Variants in FBXL13 observed in about 807,000 individuals in gnomAD.
FBXL13 encodes F-box and leucine rich repeat protein 13.
In FBXL13, 67 loss-of-function variants were observed where a neutral mutation model predicts 83.6. That is an observed-to-expected ratio of 0.80 (90% confidence interval 0.66 to 0.98). The LOEUF is 0.98. Among genes scored for constraint, FBXL13 ranks in the 50% least tolerant of loss-of-function variants. The probability of loss-of-function intolerance (pLI) is 0.00; values close to 1 mark genes in which losing one functional copy is unlikely to be tolerated. For synonymous variants in FBXL13, 272 were observed against 299.5 expected, an observed-to-expected ratio of 0.91 and a Z score of 0.95; for missense variants, 822 against 866.5, an observed-to-expected ratio of 0.95 and a Z score of 0.64.
chr7:102,885,052 T>C (rs559861743), intron 11 of FBXL13, among the ~76,000 whole-genome samples: 2 of 152,248 alleles, frequency 1.3e-5, no homozygotes, highest in Non-Finnish European at 2.9e-5. Context: ...TTAATGGGTA[T>C]GTGGATTGTT....
chr7:102,986,556 C>T (rs906531175), intron 6 of FBXL13, among the ~76,000 whole-genome samples: 4 of 152,086 alleles, frequency 2.6e-5, no homozygotes, highest in African/African-American at 7.2e-5. Context: ...CACAGCCGCC[C>T]GTGTGGATGT....
intron 6 of FBXL13, among the ~76,000 whole-genome samples, chr7:102,989,683 G>T (rs1829360942): frequency 1.3e-5 from 2 of 152,230 alleles, no homozygotes; most frequent in Non-Finnish European, 2.9e-5. Flanking sequence ...ATGAAAGAAT[G>T]AAGTAGTATC....
chr7:102,960,696 A>C lies in FBXL13; in HGVS notation c.724+2837T>G, dbSNP rs552201878. 3.7e-3 allele frequency among the ~76,000 whole-genome samples: 564 copies of C among 152,136 alleles called. 4 individuals are homozygous for C. The highest frequency in any genetic ancestry group is 0.013 in the African/African-American group (557 of 41,536). Reference sequence around the variant, plus strand: ...TGGTTCAATATATGCAAATCAATAAATGTAATCCAGCATATAAACAGAGCC... The same window carrying C: ...TGGTTCAATATATGCAAATCAATAACTGTAATCCAGCATATAAACAGAGCC... On this transcript the variant is annotated intron_variant, in intron 8 of 19. Coordinates refer to ENST00000313221, the Ensembl canonical transcript of FBXL13.
intron 18 of FBXL13, 28 bp downstream of exon 19, chr7:102,832,812 G>T: frequency 4.3e-6 from 7 of 1,613,096 alleles, no homozygotes; most frequent in Non-Finnish European, 5.9e-6. Flanking sequence ...TAAATTGGAT[G>T]TGTTTGAGCC....
At chr7:102,890,016 G>C (rs1012064590) in intron 11 of FBXL13, among the ~76,000 whole-genome samples, 1 of 151,820 alleles carries the variant, frequency 6.6e-6, no homozygotes, top group Non-Finnish European at 1.5e-5. Flanking sequence ...GTGGGGGGTA[G>C]GGCTCTGAGA....
chr7:103,068,196 T>G (rs1293715503), intron 1 of FBXL13, among the ~76,000 whole-genome samples: 1 of 150,716 alleles, frequency 6.6e-6, no homozygotes, highest in Non-Finnish European at 1.5e-5. Context: ...ATGACAGGAG[T>G]AGAGAAAAAG....
At chr7:102,843,556 C>T (rs1292445119) in intron 17 of FBXL13, among the ~76,000 whole-genome samples, 1 of 148,584 alleles carries the variant, frequency 6.7e-6, no homozygotes, top group Non-Finnish European at 1.5e-5. Context: ...GAGTGGATCA[C>T]TTGAGGTCAG....
chr7:102,972,959 A>G (rs1488887807), intron 6 of FBXL13, among the ~76,000 whole-genome samples: 1 of 152,160 alleles, frequency 6.6e-6, no homozygotes, highest in Admixed American at 6.5e-5. Flanking sequence ...ATTTATGGTT[A>G]AAATGTGATG....
At chr7:102,951,805 CAAAAA>C (rs5886239) in intron 8 of FBXL13, among the ~76,000 whole-genome samples, 2 of 88,096 alleles carry the variant, frequency 2.3e-5, no homozygotes, top group Admixed American at 2.6e-4. Flanking sequence ...ACTCTCTCTC[CAAAAA>C]AAAAAAAAAA....
At chr7:103,015,538 C>T (rs575052695) in intron 6 of FBXL13, among the ~76,000 whole-genome samples, 5 of 152,216 alleles carry the variant, frequency 3.3e-5, no homozygotes, top group South Asian at 2.1e-4. Flanking sequence ...TGGCTCATGG[C>T]GGTAATCCCA....
chr7:102,945,741 T>C (rs1195676402), intron 8 of FBXL13, among the ~76,000 whole-genome samples: 1 of 152,256 alleles, frequency 6.6e-6, no homozygotes, highest in Non-Finnish European at 1.5e-5. Context: ...CCTTTTAATA[T>C]ACATTTTCCT....
chr7:102,877,504 A>C lies in FBXL13; in HGVS notation c.1598T>G (p.Val533Gly), dbSNP rs1809427021. 2 of 1,610,808 alleles carry C rather than the reference A, an allele frequency of 1.2e-6. No homozygotes were observed. The highest frequency in any genetic ancestry group is 2.7e-5 in the African/African-American group (2 of 74,830). Reference sequence around the variant, plus strand: ...GTCTGTTCCAGAGAGATCTATTGATACCAAGGAAAAGATGTTTACAATATA... The same window carrying C: ...GTCTGTTCCAGAGAGATCTATTGATCCCAAGGAAAAGATGTTTACAATATA... The change falls in exon 16 of 20, where the codon GTA (valine) becomes GGA (glycine). Residue 533 changes from valine (V) to glycine (G), a missense_variant. Val to Gly is a moderately radical substitution (Grantham distance 109). Coordinates refer to ENST00000313221, the Ensembl canonical transcript of FBXL13.
chr7:102,851,899 G>C lies in FBXL13; in HGVS notation c.1719+2878C>G, dbSNP rs1236446411. On this transcript the variant is annotated intron_variant, in intron 17 of 19. Coordinates refer to ENST00000313221, the Ensembl canonical transcript of FBXL13. ...CTCACACGCTCTTGAAGAATCAATT[G>C]AGCACGTAATCATTTATCCTAGCCA... 3.3e-5 allele frequency among the ~76,000 whole-genome samples: 5 copies of C among 152,012 alleles called. No homozygotes were observed. In the East Asian group the frequency reaches 9.6e-4, roughly 29 times the overall value.
intron 17 of FBXL13, among the ~76,000 whole-genome samples, chr7:102,849,990 C>G (rs530213096): frequency 6.6e-6 from 1 of 151,398 alleles, no homozygotes; most frequent in East Asian, 1.9e-4. Flanking sequence ...GCACATGTAT[C>G]CTGTTTTGTT....
intron 6 of FBXL13, among the ~76,000 whole-genome samples, chr7:102,994,043 G>A (rs1829843100): frequency 6.6e-6 from 1 of 152,130 alleles, no homozygotes; most frequent in Non-Finnish European, 1.5e-5. Flanking sequence ...TAGTGAACCA[G>A]ATTAAATGCC....
chr7:102,978,082 T>C (rs1220106942), intron 6 of FBXL13, among the ~76,000 whole-genome samples: 1 of 152,162 alleles, frequency 6.6e-6, no homozygotes, highest in Non-Finnish European at 1.5e-5. Context: ...GTTGTGCACA[T>C]GTACCCTAAA....
chr7:102,969,635 C>G (rs530754374), intron 6 of FBXL13, among the ~76,000 whole-genome samples: 1 of 151,900 alleles, frequency 6.6e-6, no homozygotes, highest in South Asian at 2.1e-4. Context: ...ATGGTGAAAC[C>G]CTGTCTCTAC....
chr7:102,834,966 C>T (rs1801617042), intron 17 of FBXL13, among the ~76,000 whole-genome samples: 1 of 150,904 alleles, frequency 6.6e-6, no homozygotes, highest in African/African-American at 2.4e-5. Flanking sequence ...TTTTATTTGT[C>T]AGTTAAAAAT....
chr7:102,863,008 G>A (rs536544624), intron 16 of FBXL13, among the ~76,000 whole-genome samples: 2 of 152,282 alleles, frequency 1.3e-5, no homozygotes, highest in South Asian at 4.1e-4. Flanking sequence ...TACAGATCTT[G>A]TTCTCTAACT....
Sources: gnomAD v4.1 joint callset for allele counts (sites outside exome capture counted in the v4.1 genomes callset) on GRCh38, gnomAD v4.1.1 for gene constraint, MANE v1.5 for transcripts, NCBI Gene and HGNC (gene_info 2026-07-23, HGNC 2026-07-21) for gene names.